Variants in MEI1 observed in about 807,000 individuals in gnomAD.
MEI1 encodes the protein meiotic double-stranded break formation protein 1.
Under a neutral mutation model 146.2 loss-of-function variants are expected in MEI1, and 103 were observed. That is an observed-to-expected ratio of 0.70 (90% CI 0.60 to 0.83). MEI1 has a LOEUF of 0.83. Among genes scored for constraint, MEI1 ranks in the 40% least tolerant of loss-of-function variants. MEI1 has a pLI of 0.00. For synonymous variants in MEI1, 652 were observed against 628.2 expected, an observed-to-expected ratio of 1.04 and a Z score of -0.57; for missense variants, 1,529 against 1,533.0, an observed-to-expected ratio of 1.00 and a Z score of 0.04.
chr22:41,799,450 TCA>T lies in MEI1; in HGVS notation c.*154_*155del. ...AGAATAAGGAAATAAAATGATACACTCACATACCTGCGCGAGCTCTCCAAAAA... is the reference window on the plus strand; with the variant it reads ...AGAATAAGGAAATAAAATGATACACTCATACCTGCGCGAGCTCTCCAAAAA... On this transcript the variant is annotated 3_prime_UTR_variant, in exon 31 of 31. Transcript: ENST00000401548. The T allele has an allele frequency of 1.4e-6, 1 of 704,318 alleles. No homozygotes were observed. The highest frequency in any genetic ancestry group is 2.4e-6 in the Non-Finnish European group (1 of 422,938). The allele number at this position is 704,318 out of a possible 1,614,324, so 43.6% of individuals were successfully genotyped here. A position where few individuals can be genotyped will look rare whatever the true frequency, so the allele number is the denominator to read the frequency against.
In MEI1 at chr22:41,781,406, C is replaced by G; in HGVS notation, c.2926+12C>G. The G allele has an allele frequency of 1.9e-6, 3 of 1,594,022 alleles. No homozygotes were observed. The highest frequency in any genetic ancestry group is 1.3e-5 in the African/African-American group (1 of 74,600). On this transcript the variant is annotated intron_variant, in intron 23 of 30. Coordinates refer to ENST00000401548, the MANE Select transcript of MEI1 (RefSeq NM_152513.4). ...CAGTCAGAAAAGAGGTGCAGGGGCC[C>G]GGGCTGGGACAGTGAAGAGTGCTGG...
At chr22:41,713,363 G>C (rs2069783292) in intron 3 of MEI1, among the ~76,000 whole-genome samples, 1 of 152,026 alleles carries the variant, frequency 6.6e-6, no homozygotes, top group Admixed American at 6.6e-5. Flanking sequence ...AGCTGCTTGA[G>C]AGCCTGAGTG....
At chr22:41,770,560 A>T in intron 19 of MEI1, 126 bp from the exon 20 acceptor site, 3 of 861,936 alleles carry the variant, frequency 3.5e-6, no homozygotes, top group Non-Finnish European at 5.3e-6. Context: ...CCTTGGGATG[A>T]GCTAGCCAAG....
At chr22:41,791,200 T>C (rs745937548) in intron 26 of MEI1, among the ~76,000 whole-genome samples, 30 of 152,242 alleles carry the variant, frequency 2.0e-4, no homozygotes, top group Non-Finnish European at 3.7e-4. Flanking sequence ...GAAAGCTCTC[T>C]CTCGGGCTGG....
intron 18 of MEI1, among the ~76,000 whole-genome samples, chr22:41,760,892 A>G (rs1340440502): frequency 2.0e-5 from 3 of 152,144 alleles, no homozygotes. Flanking sequence ...CGCTAGGTTT[A>G]AGCCAGGCAG....
intron 6 of MEI1, among the ~76,000 whole-genome samples, chr22:41,723,475 A>T (rs2071048905): frequency 6.6e-6 from 1 of 152,122 alleles, no homozygotes; most frequent in Non-Finnish European, 1.5e-5. Flanking sequence ...TTGGCCTCCC[A>T]AAGTGCTGGG....
intron 12 of MEI1, among the ~76,000 whole-genome samples, chr22:41,744,155 G>A (rs560294780): frequency 6.6e-6 from 1 of 151,888 alleles, no homozygotes; most frequent in African/African-American, 2.4e-5. Flanking sequence ...ATGATCCACT[G>A]CGCTGGGCCC....
chr22:41,744,879 A>C, intron 12 of MEI1, 94 bp from the exon 13 acceptor site: 1 of 574,364 alleles, frequency 1.7e-6, no homozygotes, highest in Non-Finnish European at 2.8e-6. Context: ...GTCAGACTGC[A>C]GTGTGAGAAG....
Position 41,784,371 on chromosome 22 carries a change from A to G in MEI1, c.3120A>G (p.Gln1040=), listed in dbSNP as rs758687530. Residue 1040 remains glutamine (Q), a synonymous_variant, in exon 25 of 31, where the codon CAA becomes CAG. Transcript: ENST00000401548. The stretch of plus-strand genomic sequence containing the variant: ...AGACACTCTCTGTGGAAATGGACCA[A>G]GTATTGAAGGCTCTCAGCTTTCCAA... ...VHQTLSVEMD[Q]VLKALSFPKK... is the part of the protein sequence containing the mutation. 1.5e-5 allele frequency: 25 copies of G among 1,613,816 alleles called. No homozygotes were observed. The highest frequency in any genetic ancestry group is 1.9e-5 in the Non-Finnish European group (23 of 1,179,890).
intron 2 of MEI1, among the ~76,000 whole-genome samples, chr22:41,703,940 C>T (rs573697995): frequency 2.6e-5 from 4 of 152,230 alleles, no homozygotes; most frequent in East Asian, 3.9e-4. Flanking sequence ...GAGACCAGTT[C>T]GTGCCACCAC....
Position 41,737,547 on chromosome 22 carries a change from TC to T in MEI1, c.1331+4945del, listed in dbSNP as rs200086224. On this transcript the variant is annotated intron_variant, in intron 11 of 30. Coordinates refer to ENST00000401548, the MANE Select transcript of MEI1 (RefSeq NM_152513.4). ...AGCCACCGCGCCCGGCCTCTTTTTTTCTGGGGGGTGAGGGGTCAGAGTCTCA... is the reference window on the plus strand; with the variant it reads ...AGCCACCGCGCCCGGCCTCTTTTTTTTGGGGGGTGAGGGGTCAGAGTCTCA... 7.4e-5 allele frequency among the ~76,000 whole-genome samples: 11 copies of T among 148,212 alleles called. No individual in the cohort carries two copies. The South Asian group carries it at 1.1e-3, about 14-fold the overall frequency.
Position 41,714,034 on chromosome 22 carries a change from G to A in MEI1, c.382G>A (p.Glu128Lys), listed in dbSNP as rs1321689598. 3.7e-6 allele frequency: 6 copies of A among 1,600,246 alleles called. No individual in the cohort carries two copies. The highest frequency in any genetic ancestry group is 5.1e-6 in the Non-Finnish European group (6 of 1,173,412). Residue 128 changes from glutamate to lysine, a missense_variant, in exon 4 of 31, where the codon GAG (glutamate) becomes AAG (lysine). This residue lies in a region of MEI1 where 1,212 missense variants were observed against 1,178.9 expected (regional missense o/e 1.03). Coordinates refer to ENST00000401548, the MANE Select transcript of MEI1 (RefSeq NM_152513.4). ...TCAGATCACAACGCAGCTGAAGCTG[G>A]AGCAGACTATCCGTTGCCTGCTGGA... ...LIQITTQLKL[E>K]QTIRCLLDEC...
intron 20 of MEI1, among the ~76,000 whole-genome samples, chr22:41,772,857 T>A (rs1294942622): frequency 6.6e-6 from 1 of 152,034 alleles, no homozygotes; most frequent in Non-Finnish European, 1.5e-5. Context: ...ACCCCTGACC[T>A]CTCTCCTGAG....
At chr22:41,756,316 T>G (rs1025574665) in intron 17 of MEI1, among the ~76,000 whole-genome samples, 11 of 152,034 alleles carry the variant, frequency 7.2e-5, no homozygotes, top group Non-Finnish European at 1.3e-4. Flanking sequence ...TTTGTATTTT[T>G]AGTAGAGATG....
At chr22:41,715,336 A>G (rs889074625) in intron 4 of MEI1, among the ~76,000 whole-genome samples, 2 of 152,156 alleles carry the variant, frequency 1.3e-5, no homozygotes, top group Non-Finnish European at 2.9e-5. Flanking sequence ...AGCATGAAGC[A>G]TAGTGCCTGG....
chr22:41,718,721 G>T (rs1187691531), intron 6 of MEI1, among the ~76,000 whole-genome samples: 1 of 152,088 alleles, frequency 6.6e-6, no homozygotes, highest in East Asian at 1.9e-4. Context: ...TATTGGTTCA[G>T]AAATTTATTG....
At chr22:41,755,824 G>C (rs1279415154) in intron 17 of MEI1, among the ~76,000 whole-genome samples, 1 of 152,104 alleles carries the variant, frequency 6.6e-6, no homozygotes, top group Non-Finnish European at 1.5e-5. Context: ...CTTGGAATTA[G>C]GAGAGCTGAC....
In MEI1 at chr22:41,775,874, G is replaced by A. The variant is rs192329292; in HGVS notation, c.2545-228G>A. On this transcript the variant is annotated intron_variant, in intron 20 of 30. Transcript: ENST00000401548. Reference sequence around the variant, plus strand: ...CTCCCAAAGTGCTGGGATTACATGCGTGAGCCACCATGCACGGCCTAGGAT... The same window carrying A: ...CTCCCAAAGTGCTGGGATTACATGCATGAGCCACCATGCACGGCCTAGGAT... 5.3e-5 allele frequency among the ~76,000 whole-genome samples: 8 copies of A among 152,200 alleles called. No individual in the cohort carries two copies. The South Asian group carries it at 1.0e-3, about 20-fold the overall frequency.
At chr22:41,797,049 G>A (rs769735079) in intron 30 of MEI1, among the ~76,000 whole-genome samples, 10 of 151,998 alleles carry the variant, frequency 6.6e-5, no homozygotes, top group Non-Finnish European at 1.0e-4. Context: ...CCAGGCTGGA[G>A]TGCACTGGTG....
Sources: gnomAD v4.1 joint callset for allele counts (sites outside exome capture counted in the v4.1 genomes callset) on GRCh38, gnomAD v4.1.1 for gene constraint, gnomAD v4.1.1 regional missense constraint, MANE v1.5 for transcripts, NCBI Gene and HGNC (gene_info 2026-07-23, HGNC 2026-07-21) for gene names.